The following TLL1 variants were observed in gnomAD, a reference collection of about 807,000 sequenced individuals.
TLL1 encodes tolloid like 1.
Under a neutral mutation model 128.2 loss-of-function variants are expected in TLL1, and 49 were observed. That is an observed-to-expected ratio of 0.38 (90% confidence interval 0.30 to 0.48). The LOEUF (loss-of-function observed/expected upper bound fraction) is 0.48. Ranked by LOEUF, TLL1 falls within the 20% of genes least tolerant of loss-of-function variation. The pLI is 0.96. For missense variants in TLL1, 1,123 were observed against 1,242.0 expected (o/e 0.90, Z 1.44); for synonymous variants, 454 against 418.8 (o/e 1.08, Z -1.03).
intron 14 of TLL1, among the ~76,000 whole-genome samples, chr4:166,058,947 TG>T (rs1279516963): frequency 6.6e-6 from 1 of 152,252 alleles, no homozygotes; most frequent in Non-Finnish European, 1.5e-5. Context: ...TGAACTTTCC[TG>T]TTTGGCTTCC....
intron 8 of TLL1, among the ~76,000 whole-genome samples, chr4:166,023,188 C>T (rs531319139): frequency 6.6e-6 from 1 of 152,280 alleles, no homozygotes; most frequent in South Asian, 2.1e-4. Flanking sequence ...CACCTGAGGT[C>T]AGGAGTTCAA....
chr4:166,065,612 G>GC, intron 15 of TLL1, 71 bp from the exon 16 acceptor site: 1 of 1,528,552 alleles, frequency 6.5e-7, no homozygotes, highest in Admixed American at 1.7e-5. Context: ...AATAAGATAT[G>GC]TTTTTTTAAG....
chr4:166,061,273 T>C (rs1326056657), intron 15 of TLL1, among the ~76,000 whole-genome samples: 3 of 147,144 alleles, frequency 2.0e-5, no homozygotes, highest in Non-Finnish European at 4.5e-5. Context: ...TGAGACAGAG[T>C]CTCGCTCTGT....
At position 166,077,951 on chromosome 4, in the gene TLL1, C is replaced by A; in HGVS notation, c.2363C>A (p.Pro788His). 6.2e-7 allele frequency: 1 copy of A among 1,613,566 alleles called. No homozygotes were observed. The highest frequency in any genetic ancestry group is 8.5e-7 in the Non-Finnish European group (1 of 1,179,754). Residue 788 changes from proline (P) to histidine (H), a missense_variant, in exon 18 of 21, where the codon CCC becomes CAC. Around this residue, in one of 3 missense-constraint regions of TLL1, gnomAD observed 634 missense variants for 672.4 expected, o/e 0.94. Coordinates refer to ENST00000061240, the MANE Select transcript of TLL1 (RefSeq NM_012464.5). ...AGTCCAAGTGGCCTCATCACCAGTC[C>A]CAACTGGCCAGACAAGTACCCAAGC... ...IHSPSGLITS[P>H]NWPDKYPSRK... is the part of the protein sequence containing the mutation.
rs147468832 is a variant in TLL1 at position 165,994,463 on chromosome 4, C to T, written c.444C>T (p.Ala148=). ...ATGAGAAAAATCGAGTTCCCAGAGC[C>T]GCTACATCAAGAACGGAAAGAATAT... ...GQNEKNRVPR[A]ATSRTERIWP... is the part of the protein sequence containing the mutation. The change falls in exon 4 of 21, where the codon GCC becomes GCT. Residue 148 remains alanine (A), a synonymous_variant. Coordinates refer to ENST00000061240, the MANE Select transcript of TLL1 (RefSeq NM_012464.5). The T allele has an allele frequency of 7.4e-5, 119 of 1,613,936 alleles. No individual in the cohort carries two copies. Among genetic ancestry groups the T allele is most frequent in the African/African-American group, 5.6e-4 (42 of 75,010 alleles).
intron 1 of TLL1, among the ~76,000 whole-genome samples, chr4:165,977,891 C>G (rs553087621): frequency 6.6e-6 from 1 of 152,230 alleles, no homozygotes; most frequent in East Asian, 1.9e-4. Context: ...AAATACATTT[C>G]TGTATATATA....
intron 1 of TLL1, among the ~76,000 whole-genome samples, chr4:165,968,866 G>T (rs892737015): frequency 6.6e-6 from 1 of 152,006 alleles, no homozygotes; most frequent in Non-Finnish European, 1.5e-5. Flanking sequence ...GTGTTACTTT[G>T]AGTCAAAGAA....
chr4:166,021,558 A>C lies in TLL1; in HGVS notation c.1043-3758A>C, dbSNP rs527623919. 9.5e-4 allele frequency among the ~76,000 whole-genome samples: 142 copies of C among 150,030 alleles called. 2 individuals carry two copies. The South Asian group carries it at 0.021, about 22-fold the overall frequency. ...AGCAATTCTCCTGCCTCAGCCTCCC[A>C]AGTAGCTGGGACTACAGGTGTGTGC... On this transcript the variant is annotated intron_variant, in intron 8 of 20. Coordinates refer to ENST00000061240, the MANE Select transcript of TLL1 (RefSeq NM_012464.5).
chr4:166,064,247 C>T (rs183955368), intron 15 of TLL1, among the ~76,000 whole-genome samples: 35 of 152,016 alleles, frequency 2.3e-4, no homozygotes, highest in African/African-American at 8.2e-4. Context: ...GGGAATTTCC[C>T]TACCAATTCT....
intron 1 of TLL1, among the ~76,000 whole-genome samples, chr4:165,940,685 A>AT (rs1483315615): frequency 2.0e-5 from 3 of 151,986 alleles, no homozygotes; most frequent in Admixed American, 6.6e-5. Flanking sequence ...ATACCATGAG[A>AT]TTTTTTCCTC....
chr4:165,876,181 A>T (rs1730715206), intron 1 of TLL1, among the ~76,000 whole-genome samples: 2 of 152,188 alleles, frequency 1.3e-5, no homozygotes, highest in South Asian at 4.1e-4. Context: ...TCCCTTTTAA[A>T]ATTATCTACC....
chr4:165,997,187 C>T (rs1420046647), intron 5 of TLL1, among the ~76,000 whole-genome samples: 1 of 152,098 alleles, frequency 6.6e-6, no homozygotes, highest in East Asian at 1.9e-4. Context: ...ACTTAAATCT[C>T]ATAAAAATTC....
chr4:165,977,263 A>G (rs1735929240), intron 1 of TLL1, among the ~76,000 whole-genome samples: 2 of 152,102 alleles, frequency 1.3e-5, no homozygotes, highest in Non-Finnish European at 2.9e-5. Flanking sequence ...CCCCATGCTG[A>G]AAGTTTACTG....
chr4:165,947,473 C>G lies in TLL1; in HGVS notation c.170-41908C>G, dbSNP rs141274833. 4.0e-3 allele frequency among the ~76,000 whole-genome samples: 614 copies of G among 152,124 alleles called. 4 individuals carry two copies. The highest frequency in any genetic ancestry group is 0.013 in the African/African-American group (556 of 41,518). On this transcript the variant is annotated intron_variant, in intron 1 of 20. Coordinates refer to ENST00000061240, the MANE Select transcript of TLL1 (RefSeq NM_012464.5). ...GAAAGAGATAAACTGAGGGGAAAAA[C>G]TGTCAAACAAAAAGGAGCAAAGACT...
chr4:165,907,963 C>T (rs1027499564), intron 1 of TLL1, among the ~76,000 whole-genome samples: 2 of 152,124 alleles, frequency 1.3e-5, no homozygotes, highest in Admixed American at 1.3e-4. Context: ...TGCTATAGGC[C>T]TGTAAAGGAA....
At chr4:166,066,223 T>G (rs1740570123) in intron 16 of TLL1, among the ~76,000 whole-genome samples, 1 of 151,602 alleles carries the variant, frequency 6.6e-6, no homozygotes, top group Non-Finnish European at 1.5e-5. Flanking sequence ...AAAATTGTGC[T>G]TAGCCTCATC....
chr4:165,897,164 A>C (rs1731719394), intron 1 of TLL1, among the ~76,000 whole-genome samples: 1 of 152,000 alleles, frequency 6.6e-6, no homozygotes, highest in Admixed American at 6.5e-5. Context: ...AGATTGCAAA[A>C]ATTTTCTCCC....
chr4:165,913,858 A>C (rs1341914403), intron 1 of TLL1, among the ~76,000 whole-genome samples: 1 of 152,116 alleles, frequency 6.6e-6, no homozygotes, highest in Non-Finnish European at 1.5e-5. Flanking sequence ...TACAAAAAAT[A>C]CAAAAAATGA....
At chr4:165,888,369 A>G (rs1306782290) in intron 1 of TLL1, among the ~76,000 whole-genome samples, 3 of 152,174 alleles carry the variant, frequency 2.0e-5, no homozygotes, top group African/African-American at 4.8e-5. Context: ...TTAATTTACT[A>G]ATATTAACCT....
Sources: allele counts gnomAD v4.1 joint callset (sites outside exome capture counted in the v4.1 genomes callset), GRCh38; gene constraint gnomAD v4.1.1; regional missense constraint gnomAD v4.1.1; transcripts MANE v1.5; gene names NCBI Gene and HGNC (gene_info 2026-07-23, HGNC 2026-07-21).